PLEKHG4B: variants seen among roughly 807,000 people sequenced by gnomAD.
PLEKHG4B encodes pleckstrin homology and RhoGEF domain containing G4B.
Under a neutral mutation model 121.3 loss-of-function variants are expected in PLEKHG4B, and 111 were observed. The observed-to-expected ratio is 0.92, with a 90% CI of 0.78 to 1.07. PLEKHG4B has a LOEUF of 1.07. PLEKHG4B is among the 50% of genes least tolerant of loss of function. PLEKHG4B has a pLI of 0.00. For missense variants in PLEKHG4B, 1,831 were observed against 1,757.8 expected (o/e 1.04, Z -0.74); for synonymous variants, 738 against 725.0 (o/e 1.02, Z -0.29).
intron 13 of PLEKHG4B, among the ~76,000 whole-genome samples, chr5:165,097 C>CAG (rs1485489378): frequency 1.1e-5 from 1 of 91,870 alleles, no homozygotes; most frequent in African/African-American, 3.9e-5. Flanking sequence ...GGGGCTCACA[C>CAG]TAATGCTGTG....
intron 11 of PLEKHG4B, among the ~76,000 whole-genome samples, chr5:160,912 TTTC>T (rs1735979693): frequency 6.6e-6 from 1 of 152,136 alleles, no homozygotes; most frequent in Admixed American, 6.5e-5. Context: ...ATGCTGTGAT[TTTC>T]TTCTTGACTC....
chr5:173,834 C>T, intron 17 of PLEKHG4B, 84 bp from the exon 18 acceptor site: 4 of 1,483,036 alleles, frequency 2.7e-6, no homozygotes, highest in Non-Finnish European at 3.6e-6. Context: ...GGTGAAGTGA[C>T]CTCCAGCACT....
At chr5:131,741 G>A (rs1414859151) in intron 2 of PLEKHG4B, among the ~76,000 whole-genome samples, 1 of 152,166 alleles carries the variant, frequency 6.6e-6, no homozygotes, top group African/African-American at 2.4e-5. Context: ...CAGTGTAAAA[G>A]TGTTCCTATT....
At chr5:124,449 G>T (rs894133669) in intron 2 of PLEKHG4B, among the ~76,000 whole-genome samples, 2 of 152,154 alleles carry the variant, frequency 1.3e-5, no homozygotes, top group African/African-American at 4.8e-5. Context: ...CTTCTGTCTG[G>T]TTCTTCTGTC....
At chr5:176,671 G>T (rs983881347) in intron 18 of PLEKHG4B, among the ~76,000 whole-genome samples, 2 of 152,196 alleles carry the variant, frequency 1.3e-5, no homozygotes, top group African/African-American at 4.8e-5. Context: ...GGTGCTTCCC[G>T]GTCATCCCTG....
At chr5:152,457 C>T (rs1265902335) in intron 7 of PLEKHG4B, among the ~76,000 whole-genome samples, 1 of 152,056 alleles carries the variant, frequency 6.6e-6, no homozygotes, top group African/African-American at 2.4e-5. Flanking sequence ...GCAGTCCTCC[C>T]ACCTTGGCCT....
chr5:146,053 C>G (rs10214079), intron 6 of PLEKHG4B, among the ~76,000 whole-genome samples: 1 of 150,752 alleles, frequency 6.6e-6, no homozygotes, highest in Non-Finnish European at 1.5e-5. Flanking sequence ...CCTCCCTCCT[C>G]TCCCCCTCCA....
At chr5:128,595 T>G (rs1734688557) in intron 2 of PLEKHG4B, among the ~76,000 whole-genome samples, 1 of 152,220 alleles carries the variant, frequency 6.6e-6, no homozygotes, top group African/African-American at 2.4e-5. Context: ...GAGGTGGGGC[T>G]GCCAGTGGGG....
intron 13 of PLEKHG4B, among the ~76,000 whole-genome samples, 180 bp downstream of exon 13, chr5:163,728 C>T (rs1736135023): frequency 6.6e-6 from 1 of 152,188 alleles, no homozygotes; most frequent in East Asian, 1.9e-4. Context: ...GTTACCTGCC[C>T]CCATGTCCGG....
chr5:165,178 TCACAGTACTCCTCTGAC>T (rs1736269105), intron 13 of PLEKHG4B, among the ~76,000 whole-genome samples: 2 of 58,686 alleles, frequency 3.4e-5, no homozygotes, highest in African/African-American at 1.2e-4. Context: ...GGGGCGGGGC[TCACAGTACTCCTCTGAC>T]GGGGCGGAGC....
chr5:164,189 G>A (rs1736154467), intron 13 of PLEKHG4B, among the ~76,000 whole-genome samples: 1 of 152,244 alleles, frequency 6.6e-6, no homozygotes, highest in African/African-American at 2.4e-5. Context: ...TTTGCCACCA[G>A]GGACAGGATT....
chr5:110,575 C>A (rs374668102), intron 1 of PLEKHG4B, among the ~76,000 whole-genome samples: 4 of 149,904 alleles, frequency 2.7e-5, no homozygotes, highest in African/African-American at 9.9e-5. Flanking sequence ...CTGCAACACA[C>A]GCGCACACAT....
chr5:177,511 C>T (rs1228981501), intron 18 of PLEKHG4B, among the ~76,000 whole-genome samples: 3 of 152,212 alleles, frequency 2.0e-5, no homozygotes, highest in East Asian at 3.9e-4. Flanking sequence ...GGAAGGTATC[C>T]GAGTGACCGG....
At chr5:166,441 C>G (rs667985) in intron 13 of PLEKHG4B, among the ~76,000 whole-genome samples, 1 of 118,168 alleles carries the variant, frequency 8.5e-6, no homozygotes, top group Non-Finnish European at 1.8e-5. Flanking sequence ...GGAGCTCACA[C>G]TAATGCTCTG....
chr5:142,899 T>C (rs1473764147), intron 3 of PLEKHG4B, 148 bp from the exon 4 acceptor site: 6 of 770,262 alleles, frequency 7.8e-6, no homozygotes, highest in East Asian at 2.5e-5. Flanking sequence ...ATGCTTTCAC[T>C]TCCCGTGTGA....
rs557681643 is a variant in PLEKHG4B, at chr5:164,624, C to T, written c.3476+1076C>T. Among the ~76,000 whole-genome samples, 263 of 126,370 alleles carry T rather than the reference C, an allele frequency of 2.1e-3. 22 individuals are homozygous for T. The highest frequency in any genetic ancestry group is 7.2e-3 in the African/African-American group (246 of 34,196). 82.9% of individuals were successfully genotyped at this position (126,370 alleles called of 152,430 possible). ...AGCGGAGCTCACAGTAATGCTGTGA[C>T]GGAGCGGAGCTCACACTAATGCTCT... On this transcript the variant is annotated intron_variant, in intron 13 of 19. Transcript: ENST00000637938.
chr5:152,354 G>T (rs924782984), intron 7 of PLEKHG4B, among the ~76,000 whole-genome samples: 1 of 151,528 alleles, frequency 6.6e-6, no homozygotes, highest in African/African-American at 2.4e-5. Context: ...GGGACTGAAG[G>T]TGTGCACCCC....
At position 143,368 on chromosome 5, in the gene PLEKHG4B, C is replaced by CT. The variant is rs367679144; in HGVS notation, c.1688-11dup. The CT allele has an allele frequency of 6.2e-5, 100 of 1,611,386 alleles. 2 individuals carry two copies. The African/African-American group carries it at 9.6e-4, about 15-fold the overall frequency. ...GAAGCCCTTGGCAGCTGCCCTGTCT[C>CT]TGTCTCCGCAGGGACCCGAGACCGT... On this transcript the variant is annotated splice_polypyrimidine_tract_variant and intron_variant, in intron 4 of 19. Coordinates refer to ENST00000637938, the MANE Select transcript of PLEKHG4B (RefSeq NM_052909.5).
chr5:118,438 T>C (rs1485404735), intron 2 of PLEKHG4B, among the ~76,000 whole-genome samples: 2 of 152,220 alleles, frequency 1.3e-5, no homozygotes, highest in Non-Finnish European at 2.9e-5. Flanking sequence ...TGGATCACTT[T>C]CCAAAGTTAA....
Sources: gnomAD v4.1 joint callset for allele counts (sites outside exome capture counted in the v4.1 genomes callset) on GRCh38, gnomAD v4.1.1 for gene constraint, MANE v1.5 for transcripts, NCBI Gene and HGNC (gene_info 2026-07-23, HGNC 2026-07-21) for gene names.